PLCE1: variants seen among roughly 807,000 people sequenced by gnomAD.
PLCE1 encodes the protein phospholipase C epsilon 1.
Under a neutral mutation model 242.8 loss-of-function variants are expected in PLCE1, and 119 were observed. The ratio of observed to expected loss-of-function variants is 0.49; its 90% CI spans 0.42 to 0.57. The LOEUF is 0.57. Ranked by LOEUF, PLCE1 falls within the 20% of genes least tolerant of loss-of-function variation. The pLI is 0.00. For missense variants in PLCE1, 2,441 were observed against 2,788.8 expected (o/e 0.88, Z 2.81); for synonymous variants, 945 against 1,017.4 (o/e 0.93, Z 1.35).
intron 24 of PLCE1, among the ~76,000 whole-genome samples, chr10:94,303,353 T>C (rs1409335063): frequency 6.6e-6 from 1 of 152,190 alleles, no homozygotes; most frequent in African/African-American, 2.4e-5. Context: ...CACCATCAGG[T>C]GAGCATTTGA....
At position 94,316,790 on chromosome 10, in the gene PLCE1, G is replaced by C. The variant is rs187050576; in HGVS notation, c.6342+34G>C. ...GTCTGGGTGCAGCCTACACAGTAACGACTCATTATGTGATTAGCCATTTAC... is the reference window on the plus strand; with the variant it reads ...GTCTGGGTGCAGCCTACACAGTAACCACTCATTATGTGATTAGCCATTTAC... On this transcript the variant is annotated intron_variant, in intron 29 of 32. Coordinates refer to ENST00000371380, the MANE Select transcript of PLCE1 (RefSeq NM_016341.4). 4.8e-6 allele frequency: 7 copies of C among 1,473,504 alleles called. No individual in the cohort carries two copies. The African/African-American group carries it at 6.9e-5, about 15-fold the overall frequency. 91.3% of individuals were successfully genotyped at this position (1,473,504 alleles called of 1,614,324 possible).
chr10:94,137,020 G>A (rs1043562349), intron 3 of PLCE1, among the ~76,000 whole-genome samples: 3 of 152,250 alleles, frequency 2.0e-5, no homozygotes, highest in East Asian at 3.9e-4. Context: ...GTGAAACCCC[G>A]TGTCTACTAA....
intron 1 of PLCE1, among the ~76,000 whole-genome samples, chr10:94,009,665 T>A (rs1026868313): frequency 1.3e-5 from 2 of 152,200 alleles, no homozygotes; most frequent in Non-Finnish European, 2.9e-5. Flanking sequence ...TTGGTAAACA[T>A]TCCCATTCCA....
At chr10:94,248,397 T>A (rs1291974714) in intron 8 of PLCE1, among the ~76,000 whole-genome samples, 1 of 152,126 alleles carries the variant, frequency 6.6e-6, no homozygotes, top group Non-Finnish European at 1.5e-5. Flanking sequence ...GGTCAGGAGT[T>A]CGAGACCAGC....
At chr10:94,069,952 C>T (rs561386113) in intron 2 of PLCE1, among the ~76,000 whole-genome samples, 3 of 152,156 alleles carry the variant, frequency 2.0e-5, no homozygotes, top group Non-Finnish European at 4.4e-5. Flanking sequence ...TAACTCAGAG[C>T]TCAACTGGCA....
At chr10:94,258,489 A>G (rs2051180744) in intron 11 of PLCE1, among the ~76,000 whole-genome samples, 1 of 152,230 alleles carries the variant, frequency 6.6e-6, no homozygotes, top group African/African-American at 2.4e-5. Context: ...CTTCAGAAAC[A>G]CTGAGTTATT....
intron 4 of PLCE1, among the ~76,000 whole-genome samples, chr10:94,208,535 C>A (rs2049236522): frequency 6.6e-6 from 1 of 152,216 alleles, no homozygotes; most frequent in South Asian, 2.1e-4. Context: ...GAATCTTCTG[C>A]TCCTACCCCC....
chr10:94,056,683 C>A (rs1469674449), intron 2 of PLCE1, among the ~76,000 whole-genome samples: 1 of 152,070 alleles, frequency 6.6e-6, no homozygotes, highest in African/African-American at 2.4e-5. Flanking sequence ...TTAAAGTATA[C>A]AATTCAATGA....
At chr10:94,172,089 G>C (rs2048001583) in intron 4 of PLCE1, among the ~76,000 whole-genome samples, 1 of 152,156 alleles carries the variant, frequency 6.6e-6, no homozygotes, top group Non-Finnish European at 1.5e-5. Context: ...TTCTGAAGAA[G>C]ACAGGTGTGA....
intron 7 of PLCE1, 120 bp downstream of exon 7, chr10:94,236,240 A>G (rs1407794810): frequency 3.2e-5 from 24 of 755,872 alleles, no homozygotes; most frequent in Non-Finnish European, 4.2e-5. Flanking sequence ...CACTTTTATC[A>G]TTAAGCCACA....
intron 1 of PLCE1, among the ~76,000 whole-genome samples, chr10:94,016,521 A>G (rs2061285970): frequency 6.6e-6 from 1 of 152,204 alleles, no homozygotes; most frequent in Admixed American, 6.5e-5. Flanking sequence ...GATATCAGGT[A>G]TGTCAGCACT....
At chr10:94,076,626 A>T (rs1021205965) in intron 2 of PLCE1, among the ~76,000 whole-genome samples, 1 of 152,300 alleles carries the variant, frequency 6.6e-6, no homozygotes, top group Middle Eastern at 3.4e-3. Flanking sequence ...AAGGAAAAAA[A>T]TAAAAAACCT....
intron 4 of PLCE1, among the ~76,000 whole-genome samples, chr10:94,203,043 A>G (rs566712927): frequency 6.6e-6 from 1 of 152,324 alleles, no homozygotes; most frequent in East Asian, 1.9e-4. Flanking sequence ...GCATGGTGCT[A>G]TGTGCTTCAC....
At chr10:94,172,783 C>T (rs1250756006) in intron 4 of PLCE1, among the ~76,000 whole-genome samples, 3 of 152,168 alleles carry the variant, frequency 2.0e-5, no homozygotes, top group Admixed American at 6.5e-5. Context: ...GCTAGGATCA[C>T]GTCATTATAC....
intron 4 of PLCE1, chr10:94,225,102 G>A (rs910241550): frequency 2.3e-4 from 35 of 152,198 alleles, no homozygotes; most frequent in African/African-American, 7.7e-4. Flanking sequence ...TGTTTCAGAA[G>A]GGAAGAGGAA....
intron 29 of PLCE1, among the ~76,000 whole-genome samples, chr10:94,318,404 TA>T (rs1564892645): frequency 6.6e-6 from 1 of 152,242 alleles, no homozygotes; most frequent in Non-Finnish European, 1.5e-5. Flanking sequence ...AGTAAATTTG[TA>T]AACCTCATAC....
At position 94,321,871 on chromosome 10, in the gene PLCE1, T is replaced by C. The variant is rs369259381; in HGVS notation, c.6343-30T>C. The stretch of plus-strand genomic sequence containing the variant: ...TTCTTTATTCTGCATAAACCTATTA[T>C]TTACTCACATTTTTTCTTTTTAAAC... On this transcript the variant is annotated intron_variant, in intron 29 of 32. Transcript: ENST00000371380. 27 of 1,544,552 alleles carry C rather than the reference T, an allele frequency of 1.7e-5. No homozygotes were observed. In the African/African-American group the frequency reaches 2.8e-4, roughly 16 times the overall value.
At chr10:94,189,017 A>T (rs1207155157) in intron 4 of PLCE1, among the ~76,000 whole-genome samples, 1 of 151,064 alleles carries the variant, frequency 6.6e-6, no homozygotes, top group African/African-American at 2.4e-5. Flanking sequence ...AAAAAAAAAA[A>T]AAAAAATTTG....
chr10:94,185,651 T>G (rs2136513376), intron 4 of PLCE1, among the ~76,000 whole-genome samples: 1 of 152,326 alleles, frequency 6.6e-6, no homozygotes, highest in South Asian at 2.1e-4. Flanking sequence ...ATGGGGACAC[T>G]TAAACAAGAT....
Sources: gnomAD v4.1 joint callset for allele counts (sites outside exome capture counted in the v4.1 genomes callset) on GRCh38, gnomAD v4.1.1 for gene constraint, MANE v1.5 for transcripts, NCBI Gene and HGNC (gene_info 2026-07-23, HGNC 2026-07-21) for gene names.